The following COG3 variants were observed in gnomAD, a reference collection of about 807,000 sequenced individuals.
COG3 encodes component of oligomeric golgi complex 3, also known as conserved oligomeric Golgi complex subunit 3.
Under a neutral mutation model 114.1 loss-of-function variants are expected in COG3, and 32 were observed. The observed-to-expected ratio is 0.28, with a 90% CI of 0.21 to 0.38. COG3 has a LOEUF of 0.38. COG3 is among the 10% of genes least tolerant of loss of function. The pLI is 1.00. For missense variants in COG3, 813 were observed against 973.2 expected (o/e 0.84, Z 2.19); for synonymous variants, 352 against 365.7 (o/e 0.96, Z 0.43).
chr13:45,512,505 G>C (rs1015507162), intron 16 of COG3, among the ~76,000 whole-genome samples: 2 of 152,032 alleles, frequency 1.3e-5, no homozygotes, highest in African/African-American at 4.8e-5. Context: ...GCCAAGTTTT[G>C]TATTTTTTGT....
At chr13:45,507,023 G>T (rs1465414034) in intron 14 of COG3, among the ~76,000 whole-genome samples, 1 of 152,230 alleles carries the variant, frequency 6.6e-6, no homozygotes, top group East Asian at 1.9e-4. Context: ...GAGAAGCCCT[G>T]GTCCCGGGGC....
chr13:45,485,229 G>T (rs1886531877), intron 7 of COG3, among the ~76,000 whole-genome samples: 1 of 118,806 alleles, frequency 8.4e-6, no homozygotes, highest in Admixed American at 8.2e-5. Context: ...CGGGCAGGGG[G>T]GCTGACCCCC....
At chr13:45,501,159 C>T (rs1166358948) in intron 13 of COG3, among the ~76,000 whole-genome samples, 1 of 152,246 alleles carries the variant, frequency 6.6e-6, no homozygotes, top group Non-Finnish European at 1.5e-5. Context: ...ACTTTCCACA[C>T]TGTACTCTTT....
At chr13:45,500,103 TATATATATATATAA>T (rs1593714720) in intron 13 of COG3, among the ~76,000 whole-genome samples, 2 of 13,990 alleles carry the variant, frequency 1.4e-4, no homozygotes, top group East Asian at 3.3e-3. Context: ...TGTATATATA[TATATATATATATAA>T]AAAAGAGGCC....
chr13:45,534,894 T>TAA lies in COG3; in HGVS notation c.*164_*165insAA. 1 of 1,267,980 alleles carries TAA rather than the reference T, an allele frequency of 7.9e-7. No individual in the cohort carries two copies. The highest frequency in any genetic ancestry group is 9.9e-7 in the Non-Finnish European group (1 of 1,008,398). 78.5% of individuals were successfully genotyped at this position (1,267,980 alleles called of 1,614,324 possible). A position where few individuals can be genotyped will look rare whatever the true frequency, so the allele number is the denominator to read the frequency against. On this transcript the variant is annotated 3_prime_UTR_variant, in exon 23 of 23. Transcript: ENST00000349995. Reference sequence around the variant, plus strand: ...GCAGAATGAAATAGAAGCAAAGTGTTACAGGATCAGTGTTTTCTTTTCTAA... The same window carrying TAA: ...GCAGAATGAAATAGAAGCAAAGTGTTAAACAGGATCAGTGTTTTCTTTTCTAA...
At chr13:45,517,333 TAGTGG>T (rs1871643492) in intron 17 of COG3, among the ~76,000 whole-genome samples, 2 of 152,142 alleles carry the variant, frequency 1.3e-5, no homozygotes, top group Admixed American at 1.3e-4. Context: ...GCCTATCTGA[TAGTGG>T]ATTTGATTTA....
In COG3 at chr13:45,493,367, G is replaced by A. The variant is rs766909249; in HGVS notation, c.1208G>A (p.Cys403Tyr). The A allele has an allele frequency of 6.2e-7, 1 of 1,612,068 alleles. No homozygotes were observed. The highest frequency in any genetic ancestry group is 2.2e-5 in the East Asian group (1 of 44,774). Residue 403 changes from cysteine (C) to tyrosine (Y), a missense_variant, in exon 12 of 23, where the codon TGT becomes TAT. Coordinates refer to ENST00000349995, the MANE Select transcript of COG3 (RefSeq NM_031431.4). ...TTTAGTGAGCTTTTGGAGAAACTGT[G>A]TGTGTCATTGTATGATGTCTTCAGG... is the stretch of plus-strand genomic sequence containing the variant. Reference protein sequence around the residue: ...SKLDELLEKLCVSLYDVFRPL... With the variant: ...SKLDELLEKLYVSLYDVFRPL...
At position 45,534,759 on chromosome 13, in the gene COG3, T is replaced by C. The variant is rs1381359113; in HGVS notation, c.*28T>C. 2.6e-6 allele frequency: 4 copies of C among 1,550,808 alleles called. No homozygotes were observed. The highest frequency in any genetic ancestry group is 3.5e-6 in the Non-Finnish European group (4 of 1,147,546). Reference sequence around the variant, plus strand: ...AGGCCAGCCGGGCTGTGCACCTAAATGTCTGTCTGGGAGGAGCAGGCTGAG... The same window carrying C: ...AGGCCAGCCGGGCTGTGCACCTAAACGTCTGTCTGGGAGGAGCAGGCTGAG... On this transcript the variant is annotated 3_prime_UTR_variant, in exon 23 of 23. Transcript: ENST00000349995.
At chr13:45,505,240 A>G (rs569718416) in intron 14 of COG3, among the ~76,000 whole-genome samples, 1 of 152,152 alleles carries the variant, frequency 6.6e-6, no homozygotes, top group Admixed American at 6.5e-5. Flanking sequence ...TATATTGATT[A>G]CATGTTAAAA....
intron 1 of COG3, chr13:45,466,763 T>C (rs1885166464): frequency 6.6e-6 from 1 of 152,228 alleles, no homozygotes; most frequent in Non-Finnish European, 1.5e-5. Flanking sequence ...TCATAAACTA[T>C]TATTTCTTAT....
chr13:45,483,365 C>A lies in COG3; in HGVS notation c.843+10C>A. On this transcript the variant is annotated intron_variant, in intron 7 of 22. Coordinates refer to ENST00000349995, the MANE Select transcript of COG3 (RefSeq NM_031431.4). ...TCAGTTACTGAAAAGGGTGAGTTAA[C>A]TGATCTCAACAACAGGTTTTTGTTA... The A allele has an allele frequency of 6.4e-7, 1 of 1,554,194 alleles. No homozygotes were observed. Among genetic ancestry groups the A allele is most frequent in the Non-Finnish European group, 8.7e-7 (1 of 1,152,070 alleles).
At chr13:45,527,199 T>C (rs1378279201) in intron 20 of COG3, among the ~76,000 whole-genome samples, 1 of 152,216 alleles carries the variant, frequency 6.6e-6, no homozygotes, top group Non-Finnish European at 1.5e-5. Flanking sequence ...AAGTGTTAGA[T>C]GTATTGTGCT....
intron 14 of COG3, among the ~76,000 whole-genome samples, chr13:45,507,958 A>G (rs1459426711): frequency 6.7e-6 from 1 of 149,368 alleles, no homozygotes; most frequent in Non-Finnish European, 1.5e-5. Context: ...GATCCCAGCT[A>G]CTCAGGAGGC....
At chr13:45,497,819 A>AAC (rs377731255) in intron 13 of COG3, among the ~76,000 whole-genome samples, 1 of 140,994 alleles carries the variant, frequency 7.1e-6, no homozygotes, top group Admixed American at 6.8e-5. Context: ...CAACAACAAC[A>AAC]AAGTATGACC....
chr13:45,481,404 T>C (rs929473984), intron 5 of COG3, 100 bp downstream of exon 5: 12 of 668,624 alleles, frequency 1.8e-5, no homozygotes, highest in Non-Finnish European at 2.4e-5. Flanking sequence ...TTGAGTGATA[T>C]TTTAATTTAG....
At chr13:45,517,939 C>T (rs1485010793) in intron 17 of COG3, among the ~76,000 whole-genome samples, 1 of 152,130 alleles carries the variant, frequency 6.6e-6, no homozygotes, top group East Asian at 1.9e-4. Flanking sequence ...TGTAACTCTA[C>T]CATATGATGA....
At position 45,486,523 on chromosome 13, in the gene COG3, A is replaced by G. The variant is rs1426627741; in HGVS notation, c.872A>G (p.Asn291Ser). 8.7e-6 allele frequency: 14 copies of G among 1,610,530 alleles called. No individual in the cohort carries two copies. The highest frequency in any genetic ancestry group is 1.2e-5 in the Non-Finnish European group (14 of 1,176,926). ...CCTTCATCTGTACCTAATGCAGACA[A>G]TGCCTTCACATTATTTTATGTGAAA... ...RDPSSVPNAD[N>S]AFTLFYVKFR... The change falls in exon 8 of 23, where the codon AAT becomes AGT. Residue 291 changes from asparagine (N) to serine (S), a missense_variant. By Grantham distance (46) the Asn-to-Ser change is conservative. This residue lies in a region of COG3 where 424 missense variants were observed against 430.6 expected (regional missense o/e 0.98). Coordinates refer to ENST00000349995, the MANE Select transcript of COG3 (RefSeq NM_031431.4).
At position 45,507,497 on chromosome 13, in the gene COG3, G is replaced by A. The variant is rs548595652; in HGVS notation, c.1595-2195G>A. Among the ~76,000 whole-genome samples the A allele has an allele frequency of 1.4e-3, 218 of 152,268 alleles. 2 individuals are homozygous for A. The highest frequency in any genetic ancestry group is 4.4e-3 in the African/African-American group (184 of 41,544). On this transcript the variant is annotated intron_variant, in intron 14 of 22. Transcript: ENST00000349995. ...GTGAAAGTACTGGCCAGGCACGGTG[G>A]CTCACACCTGTAATTCCAGCACTTT...
At chr13:45,479,974 G>C (rs972308794) in intron 3 of COG3, 151 bp from the exon 4 acceptor site, 2 of 555,604 alleles carry the variant, frequency 3.6e-6, no homozygotes, top group African/African-American at 3.8e-5. Context: ...CATAACTTTT[G>C]GTACATTTCT....
Sources: allele counts gnomAD v4.1 joint callset (sites outside exome capture counted in the v4.1 genomes callset), GRCh38; gene constraint gnomAD v4.1.1; regional missense constraint gnomAD v4.1.1; transcripts MANE v1.5; gene names NCBI Gene and HGNC (gene_info 2026-07-23, HGNC 2026-07-21).